The following PALD1 variants were observed in gnomAD, a reference collection of about 807,000 sequenced individuals.
PALD1 encodes phosphatase domain containing paladin 1.
Under a neutral mutation model 96.0 loss-of-function variants are expected in PALD1, and 57 were observed. The ratio of observed to expected loss-of-function variants is 0.59; its 90% CI spans 0.48 to 0.74. The LOEUF is 0.74. Among genes scored for constraint, PALD1 ranks in the 30% least tolerant of loss-of-function variants. The probability of loss-of-function intolerance (pLI) is 0.00; values close to 1 mark genes in which losing one functional copy is unlikely to be tolerated. For missense variants in PALD1, 1,063 were observed against 1,143.7 expected (o/e 0.93, Z 1.02); for synonymous variants, 464 against 473.6 (o/e 0.98, Z 0.26).
chr10:70,563,090 C>T (rs949287466), intron 18 of PALD1, among the ~76,000 whole-genome samples: 38 of 152,024 alleles, frequency 2.5e-4, no homozygotes, highest in Non-Finnish European at 5.1e-4. Context: ...CAGGCTACAC[C>T]CTGCTGAGAT....
In PALD1 at chr10:70,516,590, C is replaced by G. The variant is rs528104584; in HGVS notation, c.-29-9333C>G. Among the ~76,000 whole-genome samples, 4 of 151,564 alleles carry G rather than the reference C, an allele frequency of 2.6e-5. No individual in the cohort carries two copies. The South Asian group carries it at 6.3e-4, about 24-fold the overall frequency. On this transcript the variant is annotated intron_variant, in intron 1 of 19. Transcript: ENST00000263563. ...TTATTTTTTGAGACAGAGTCTCACTCTTGTCCAGGCTGGAGTGCAGTAGTT... is the reference window on the plus strand; with the variant it reads ...TTATTTTTTGAGACAGAGTCTCACTGTTGTCCAGGCTGGAGTGCAGTAGTT...
chr10:70,538,619 C>G (rs1463521728), intron 12 of PALD1, among the ~76,000 whole-genome samples: 1 of 122,766 alleles, frequency 8.1e-6, no homozygotes, highest in South Asian at 3.3e-4. Context: ...CTGGTACCTT[C>G]TCCTCAGTCT....
intron 1 of PALD1, among the ~76,000 whole-genome samples, chr10:70,509,986 G>A (rs1846480805): frequency 6.6e-6 from 1 of 152,200 alleles, no homozygotes; most frequent in Non-Finnish European, 1.5e-5. Flanking sequence ...CCGAACTCTT[G>A]GAAAGTCAGG....
chr10:70,531,667 G>A (rs1846994846), intron 5 of PALD1, among the ~76,000 whole-genome samples: 1 of 152,020 alleles, frequency 6.6e-6, no homozygotes, highest in African/African-American at 2.4e-5. Flanking sequence ...TTCCCACCCT[G>A]CTTGTCTCCT....
chr10:70,548,946 C>A (rs1300745463), intron 18 of PALD1, among the ~76,000 whole-genome samples: 2 of 149,878 alleles, frequency 1.3e-5, no homozygotes, highest in African/African-American at 4.9e-5. Context: ...GAGTGGCTCA[C>A]ACCTGTAATC....
chr10:70,475,380 C>A (rs116705770), upstream of PALD1, among the ~76,000 whole-genome samples: 1,130 of 152,244 alleles, frequency 7.4e-3, 24 homozygotes, highest in African/African-American at 0.026. Flanking sequence ...ATGAGTTTGC[C>A]TGAGGCTCAG....
chr10:70,459,932 C>A, the PALD1 span, among the ~76,000 whole-genome samples: 1 of 152,234 alleles, frequency 6.6e-6, no homozygotes, highest in Non-Finnish European at 1.5e-5. Flanking sequence ...TGCCTACACT[C>A]CCCGCTTCAC....
In PALD1 at chr10:70,566,960, A is replaced by C; in HGVS notation, c.*227A>C. 1 of 533,786 alleles carries C rather than the reference A, an allele frequency of 1.9e-6. No individual in the cohort carries two copies. The highest frequency in any genetic ancestry group is 3.3e-6 in the Non-Finnish European group (1 of 302,622). The allele number at this position is 533,786 out of a possible 1,614,324, so 33.1% of individuals were successfully genotyped here. A position where few individuals can be genotyped will look rare whatever the true frequency, so the allele number is the denominator to read the frequency against. On this transcript the variant is annotated 3_prime_UTR_variant, in exon 20 of 20. Coordinates refer to ENST00000263563, the MANE Select transcript of PALD1 (RefSeq NM_014431.3). ...CCACCAAGGTGTGTGGCTGACCTCC[A>C]GGGAGGAGCACTCACTGGAGTGCTC...
chr10:70,565,431 C>T (rs1294874377), intron 19 of PALD1, among the ~76,000 whole-genome samples: 1 of 152,226 alleles, frequency 6.6e-6, no homozygotes, highest in African/African-American at 2.4e-5. Context: ...AAGCTGGCCC[C>T]TCCAGACCTC....
At chr10:70,529,630 A>G (rs1846951870) in intron 3 of PALD1, among the ~76,000 whole-genome samples, 2 of 151,958 alleles carry the variant, frequency 1.3e-5, no homozygotes, top group African/African-American at 4.8e-5. Context: ...GTCACCTCCC[A>G]CATGAAGCCC....
rs1564700223 is a variant in PALD1 at position 70,532,795 on chromosome 10, AC to A, written c.794+19del. 3 of 1,612,596 alleles carry A rather than the reference AC, an allele frequency of 1.9e-6. No individual in the cohort carries two copies. The African/African-American group carries it at 4.0e-5, about 22-fold the overall frequency. ...GCCCACCTACAGGTACCACAGGGCC[AC>A]CCCCAGCCCTGGCCATGGGTGCTCC... On this transcript the variant is annotated intron_variant, in intron 6 of 19. Transcript: ENST00000263563.
chr10:70,545,915 T>C (rs1369447640), intron 17 of PALD1, among the ~76,000 whole-genome samples: 1 of 152,122 alleles, frequency 6.6e-6, no homozygotes, highest in Admixed American at 6.5e-5. Flanking sequence ...TGAGGCCTCA[T>C]TTGAAGCAGG....
chr10:70,557,375 C>A (rs1847632416), intron 18 of PALD1, among the ~76,000 whole-genome samples: 1 of 152,160 alleles, frequency 6.6e-6, no homozygotes, highest in Admixed American at 6.5e-5. Context: ...AGGAACGAGA[C>A]TGTGTCCTCT....
At chr10:70,486,615 G>A (rs1846020084) in intron 1 of PALD1, among the ~76,000 whole-genome samples, 1 of 152,118 alleles carries the variant, frequency 6.6e-6, no homozygotes, top group South Asian at 2.1e-4. Context: ...ACAAAAATTA[G>A]CCAGGTGTGG....
chr10:70,551,003 G>A (rs1847467635), intron 18 of PALD1, among the ~76,000 whole-genome samples: 1 of 152,186 alleles, frequency 6.6e-6, no homozygotes, highest in Non-Finnish European at 1.5e-5. Flanking sequence ...GGAATTGCTG[G>A]ATCATATGGT....
chr10:70,538,910 TC>T lies in PALD1; in HGVS notation c.1475del (p.Pro492ArgfsTer41). The T allele has an allele frequency of 6.2e-7, 1 of 1,613,484 alleles. No individual in the cohort carries two copies. On this transcript the variant is annotated frameshift_variant, in exon 13 of 20. Coordinates refer to ENST00000263563, the MANE Select transcript of PALD1 (RefSeq NM_014431.3). LOFTEE classifies it high-confidence loss of function. Reference sequence around the variant, plus strand: ...CCCACAGCGGGAGGACGATCTGGTCTCCCCGGACGCGCTCAGCACTGTCAGA... The same window carrying T: ...CCCACAGCGGGAGGACGATCTGGTCTCCCGGACGCGCTCAGCACTGTCAGA... Reference protein sequence around the residue: ...RGSLREDDLVSPDALSTVREM... With the variant: ...RGSLREDDLVXPDALSTVREM...
chr10:70,538,055 C>T, intron 11 of PALD1, 149 bp downstream of exon 11: 1 of 736,662 alleles, frequency 1.4e-6, no homozygotes, highest in Non-Finnish European at 2.3e-6. Context: ...CGGGAGTAGT[C>T]CCTGAGCAGC....
chr10:70,466,478 C>T, the PALD1 span, among the ~76,000 whole-genome samples: 1 of 152,126 alleles, frequency 6.6e-6, no homozygotes, highest in Non-Finnish European at 1.5e-5. Flanking sequence ...CTCCTGACTT[C>T]GTGATCTGCC....
chr10:70,500,215 G>C (rs977512410), intron 1 of PALD1, among the ~76,000 whole-genome samples: 2 of 152,110 alleles, frequency 1.3e-5, no homozygotes, highest in Non-Finnish European at 2.9e-5. Flanking sequence ...TCTTAGTTTG[G>C]GGTTGGTGGG....
Sources: gnomAD v4.1 joint callset for allele counts (sites outside exome capture counted in the v4.1 genomes callset) on GRCh38, gnomAD v4.1.1 for gene constraint, MANE v1.5 for transcripts, NCBI Gene and HGNC (gene_info 2026-07-23, HGNC 2026-07-21) for gene names.